Variants in TANK observed in about 807,000 individuals in gnomAD.
TANK encodes the protein TRAF family member-associated NF-kappa-B activator.
TANK carries 15 observed loss-of-function variants against 43.6 expected under a neutral mutation model. The ratio of observed to expected loss-of-function variants is 0.34; its 90% CI spans 0.23 to 0.53. TANK has a LOEUF of 0.53. Among genes scored for constraint, TANK ranks in the 20% least tolerant of loss-of-function variants. The pLI, the probability that TANK is intolerant of heterozygous loss-of-function variation, is 0.94. For synonymous variants in TANK, 162 were observed against 178.2 expected (o/e 0.91, Z 0.73); for missense variants, 417 against 498.6 (o/e 0.84, Z 1.56).
chr2:161,216,083 G>A (rs1258173979), intron 4 of TANK, among the ~76,000 whole-genome samples: 1 of 152,084 alleles, frequency 6.6e-6, no homozygotes, highest in Non-Finnish European at 1.5e-5. Flanking sequence ...TTTGTCAATA[G>A]TAGTGTGATT....
At chr2:161,211,735 A>G in intron 4 of TANK, 2 of 984,874 alleles carry the variant, frequency 2.0e-6, no homozygotes, top group African/African-American at 1.7e-5. Flanking sequence ...TTTATCATAC[A>G]GAAATGGTGA....
At chr2:161,220,663 A>T (rs954120939) in intron 4 of TANK, among the ~76,000 whole-genome samples, 1 of 152,164 alleles carries the variant, frequency 6.6e-6, no homozygotes, top group East Asian at 1.9e-4. Context: ...ATTGCTTAAA[A>T]TTTTTAAGAA....
At chr2:161,186,175 G>A (rs1033844198) in intron 2 of TANK, among the ~76,000 whole-genome samples, 8 of 152,130 alleles carry the variant, frequency 5.3e-5, no homozygotes, top group South Asian at 2.1e-4. Context: ...GTGACAGAGC[G>A]AGACCCTGGC....
chr2:161,187,621 A>T (rs1685724753), intron 2 of TANK, among the ~76,000 whole-genome samples: 1 of 152,208 alleles, frequency 6.6e-6, no homozygotes, highest in Non-Finnish European at 1.5e-5. Flanking sequence ...TAATAGTAGG[A>T]GAATTAAAGT....
At chr2:161,225,326 C>T (rs1390033702) in intron 6 of TANK, among the ~76,000 whole-genome samples, 2 of 151,892 alleles carry the variant, frequency 1.3e-5, no homozygotes, top group East Asian at 3.9e-4. Flanking sequence ...GCCTTGAACT[C>T]CTGGGCTCAA....
chr2:161,181,779 T>C (rs901653805), intron 2 of TANK, among the ~76,000 whole-genome samples: 1 of 152,088 alleles, frequency 6.6e-6, no homozygotes, highest in East Asian at 1.9e-4. Context: ...TTTGGGTGGG[T>C]ACACAGAGGC....
upstream of TANK, chr2:161,156,385 T>C (rs1684227169): frequency 1.0e-6 from 1 of 983,936 alleles, no homozygotes; most frequent in Non-Finnish European, 1.2e-6. Context: ...TCACCTTGTC[T>C]CTAGTTCCCT....
At chr2:161,161,378 T>C (rs771391123) in intron 1 of TANK, 43 of 1,550,710 alleles carry the variant, frequency 2.8e-5, no homozygotes, top group Middle Eastern at 1.7e-4. Flanking sequence ...TGACCTGCCT[T>C]CTTACCGCGG....
At chr2:161,177,996 A>AT (rs973005398) in intron 1 of TANK, among the ~76,000 whole-genome samples, 2 of 152,094 alleles carry the variant, frequency 1.3e-5, no homozygotes, top group African/African-American at 4.8e-5. Flanking sequence ...GATGGCTGTA[A>AT]TTTTTTAAGT....
upstream of TANK, among the ~76,000 whole-genome samples, chr2:161,157,600 T>C (rs879042929): frequency 1.9e-4 from 29 of 152,230 alleles, no homozygotes; most frequent in Admixed American, 3.9e-4. Context: ...TTCCAAGTCA[T>C]AGTAACTGTT....
At chr2:161,156,181 C>A (rs1684221729), upstream of TANK, 9 of 985,348 alleles carry the variant, frequency 9.1e-6, no homozygotes, top group Non-Finnish European at 1.1e-5. Context: ...CTACCATTTC[C>A]TTTAATGGTT....
intron 4 of TANK, chr2:161,212,732 C>T (rs1012571795): frequency 2.0e-6 from 2 of 985,200 alleles, no homozygotes; most frequent in South Asian, 4.7e-5. Flanking sequence ...AGAATAGAGT[C>T]GATAAGAGTC....
intron 2 of TANK, 34 bp downstream of exon 2, chr2:161,179,795 T>C: frequency 6.3e-7 from 1 of 1,584,402 alleles, no homozygotes; most frequent in Non-Finnish European, 8.6e-7. Context: ...TTATTCTTTA[T>C]CTTGGTACAT....
At chr2:161,169,154 A>G (rs1361575106) in intron 1 of TANK, among the ~76,000 whole-genome samples, 1 of 152,246 alleles carries the variant, frequency 6.6e-6, no homozygotes, top group Admixed American at 6.5e-5. Context: ...AATTCAAGGT[A>G]AAGAAGGTCC....
At chr2:161,226,986 TA>T (rs1380326404) in intron 6 of TANK, 3 of 23,088 alleles carry the variant, frequency 1.3e-4, no homozygotes, top group Non-Finnish European at 1.9e-4. Flanking sequence ...TTTCCCATTT[TA>T]CTTTTTCCTT....
chr2:161,149,447 T>A (rs1684010563), intron 1 of TANK, among the ~76,000 whole-genome samples: 2 of 152,222 alleles, frequency 1.3e-5, no homozygotes. Context: ...TAGTTTTACC[T>A]CTTCCTTTCC....
chr2:161,230,857 A>C (rs1574075180), intron 6 of TANK, 114 bp from the exon 7 acceptor site: 1 of 827,102 alleles, frequency 1.2e-6, no homozygotes. Flanking sequence ...AGTTGTCTTC[A>C]TTTGCTATAA....
At chr2:161,139,225 G>C (rs1327993670) in intron 1 of TANK, among the ~76,000 whole-genome samples, 1 of 152,144 alleles carries the variant, frequency 6.6e-6, no homozygotes, top group African/African-American at 2.4e-5. Context: ...ACAGAGAAGA[G>C]AGCAGTCAAC....
chr2:161,149,958 G>A (rs947663096), intron 1 of TANK, among the ~76,000 whole-genome samples: 6 of 151,948 alleles, frequency 3.9e-5, no homozygotes, highest in East Asian at 1.9e-4. Flanking sequence ...TTTTTATCAC[G>A]TCTCTGTCTG....
Sources: allele counts gnomAD v4.1 joint callset (sites outside exome capture counted in the v4.1 genomes callset), GRCh38; gene constraint gnomAD v4.1.1; transcripts MANE v1.5; gene names NCBI Gene and HGNC (gene_info 2026-07-23, HGNC 2026-07-21).